Variants in CLSTN2 observed in about 807,000 individuals in gnomAD.
The protein encoded by CLSTN2 is calsyntenin 2.
CLSTN2 carries 48 observed loss-of-function variants against 101.2 expected under a neutral mutation model. The ratio of observed to expected loss-of-function variants is 0.47; its 90% CI spans 0.38 to 0.60. CLSTN2 has a LOEUF of 0.60. CLSTN2 is among the 20% of genes least tolerant of loss of function. The pLI, the probability that CLSTN2 is intolerant of heterozygous loss-of-function variation, is 0.00. For synonymous variants in CLSTN2, 481 were observed against 463.6 expected (o/e 1.04, Z -0.48); for missense variants, 1,160 against 1,238.2 (o/e 0.94, Z 0.95).
intron 2 of CLSTN2, among the ~76,000 whole-genome samples, chr3:140,311,596 G>A (rs182478735): frequency 2.6e-5 from 4 of 151,648 alleles, no homozygotes; most frequent in East Asian, 1.9e-4. Flanking sequence ...GTGAGCCACC[G>A]CGCCCGGCCA....
chr3:140,308,406 C>A (rs983384096), intron 2 of CLSTN2, among the ~76,000 whole-genome samples: 3 of 152,198 alleles, frequency 2.0e-5, no homozygotes, highest in African/African-American at 7.2e-5. Context: ...TTAGTAGGCT[C>A]TCAATAAATG....
intron 4 of CLSTN2, among the ~76,000 whole-genome samples, chr3:140,417,425 A>G (rs1445223260): frequency 1.3e-5 from 2 of 152,166 alleles, no homozygotes; most frequent in Non-Finnish European, 2.9e-5. Flanking sequence ...GGTATAAGCA[A>G]TTTCAAACTG....
chr3:140,135,115 CACATATATAT>C (rs1166610581), intron 1 of CLSTN2, among the ~76,000 whole-genome samples: 29 of 52,050 alleles, frequency 5.6e-4, no homozygotes, highest in African/African-American at 2.4e-3. Flanking sequence ...CACACACACA[CACATATATAT>C]ATATATATAT....
intron 2 of CLSTN2, among the ~76,000 whole-genome samples, chr3:140,216,374 C>G (rs1031048348): frequency 6.6e-6 from 1 of 152,186 alleles, no homozygotes; most frequent in African/African-American, 2.4e-5. Context: ...AAGTACAGCA[C>G]TAACGTGGGG....
chr3:140,206,916 G>A (rs1244257845), intron 2 of CLSTN2, among the ~76,000 whole-genome samples: 1 of 152,222 alleles, frequency 6.6e-6, no homozygotes, highest in Non-Finnish European at 1.5e-5. Context: ...ACCTGCCTGA[G>A]CTGGGAATTC....
chr3:140,344,516 T>G (rs1198092486), intron 2 of CLSTN2, among the ~76,000 whole-genome samples: 2 of 152,184 alleles, frequency 1.3e-5, no homozygotes, highest in African/African-American at 4.8e-5. Flanking sequence ...TTTCTATAAG[T>G]GCCATGGTCT....
chr3:140,575,029 GC>G lies in CLSTN2; in HGVS notation c.*8779del, dbSNP rs1985689099. 1 of 152,232 alleles carries G rather than the reference GC, an allele frequency of 6.6e-6. No individual in the cohort carries two copies. Among genetic ancestry groups the G allele is most frequent in the African/African-American group, 2.4e-5 (1 of 41,452 alleles). The allele number at this position is 152,232 out of a possible 1,614,324, so 9.4% of individuals were successfully genotyped here. ...CCAATATAGAACACTCACATCTGGA[GC>G]CCACGCCCACCCACCTCCAGCTCCT... On this transcript the variant is annotated 3_prime_UTR_variant, in exon 17 of 17. Transcript: ENST00000458420.
chr3:140,026,015 G>A (rs2007413098), intron 1 of CLSTN2, among the ~76,000 whole-genome samples: 1 of 152,166 alleles, frequency 6.6e-6, no homozygotes, highest in Non-Finnish European at 1.5e-5. Flanking sequence ...GACCCTGCTA[G>A]TTTCTGGAGA....
intron 1 of CLSTN2, among the ~76,000 whole-genome samples, chr3:140,128,986 A>G (rs2009480553): frequency 6.6e-6 from 1 of 152,128 alleles, no homozygotes; most frequent in Admixed American, 6.5e-5. Context: ...TAGAGTCAAT[A>G]GTGTTTCGAC....
In CLSTN2 at chr3:140,403,675, G is replaced by A. The variant is rs749218371; in HGVS notation, c.279G>A (p.Glu93=). ...TCCATGGCCAGGAGCTGCCCTTTGA[G>A]GCTGTGGTGCTCAACAAGACATCAG... ...FKIHGQELPF[E]AVVLNKTSGE... is the part of the protein sequence containing the mutation. The change falls in exon 3 of 17, where the codon GAG becomes GAA. Residue 93 remains glutamate, a synonymous_variant. Coordinates refer to ENST00000458420, the MANE Select transcript of CLSTN2 (RefSeq NM_022131.3). 6.2e-7 allele frequency: 1 copy of A among 1,614,160 alleles called. No homozygotes were observed. The highest frequency in any genetic ancestry group is 1.7e-5 in the Admixed American group (1 of 60,014).
At chr3:140,086,570 T>C (rs1326065357) in intron 1 of CLSTN2, among the ~76,000 whole-genome samples, 1 of 152,212 alleles carries the variant, frequency 6.6e-6, no homozygotes, top group Non-Finnish European at 1.5e-5. Context: ...TACATATCCG[T>C]GACCTTCAAT....
At chr3:140,044,793 GGT>G (rs1267519380) in intron 1 of CLSTN2, among the ~76,000 whole-genome samples, 1 of 152,062 alleles carries the variant, frequency 6.6e-6, no homozygotes, top group Non-Finnish European at 1.5e-5. Context: ...ATAATCATGT[GGT>G]TTTTGTCTTT....
In CLSTN2 at chr3:140,466,621, C is replaced by A; in HGVS notation, c.1234C>A (p.His412Asn). Residue 412 changes from histidine (H) to asparagine (N), a missense_variant, in exon 8 of 17, where the codon CAT becomes AAT. His to Asn is a moderately conservative substitution (Grantham distance 68, BLOSUM62 1). Transcript: ENST00000458420. ...CNSDKTEMNR[H>N]HYALYVHNCR... ...TTTCTGCTTTTCAGAAATGAACCGG[C>A]ATCACTATGCCCTGTATGTGCACAA... The A allele has an allele frequency of 1.9e-6, 3 of 1,614,148 alleles. No individual in the cohort carries two copies. The highest frequency in any genetic ancestry group is 2.5e-6 in the Non-Finnish European group (3 of 1,180,008).
At chr3:139,991,784 A>G (rs1329752987) in intron 1 of CLSTN2, among the ~76,000 whole-genome samples, 3 of 152,224 alleles carry the variant, frequency 2.0e-5, no homozygotes, top group African/African-American at 7.2e-5. Context: ...TGAAAAGTCT[A>G]AGTGTGAACT....
chr3:140,562,120 A>G lies in CLSTN2; in HGVS notation c.2042-18A>G. 3.7e-6 allele frequency: 6 copies of G among 1,611,446 alleles called. No individual in the cohort carries two copies. The highest frequency in any genetic ancestry group is 5.1e-6 in the Non-Finnish European group (6 of 1,178,184). On this transcript the variant is annotated intron_variant, in intron 12 of 16. Transcript: ENST00000458420. ...GCTGTCCTTCATGCCTGCATTTCCC[A>G]TGTCTGTCTTCCTACAGACCCCAAA... is the stretch of plus-strand genomic sequence containing the variant.
chr3:140,519,532 A>G (rs1934985305), intron 8 of CLSTN2, among the ~76,000 whole-genome samples: 1 of 152,218 alleles, frequency 6.6e-6, no homozygotes, highest in African/African-American at 2.4e-5. Flanking sequence ...GAGTGCATAT[A>G]TATTTAGGAT....
intron 1 of CLSTN2, among the ~76,000 whole-genome samples, chr3:140,008,696 C>T (rs866188557): frequency 3.3e-5 from 5 of 152,210 alleles, no homozygotes; most frequent in Admixed American, 2.6e-4. Flanking sequence ...TTTCCTAATA[C>T]GAACAATCAG....
intron 1 of CLSTN2, among the ~76,000 whole-genome samples, chr3:140,092,013 T>G (rs2008786935): frequency 6.6e-6 from 1 of 152,186 alleles, no homozygotes; most frequent in Non-Finnish European, 1.5e-5. Context: ...CAGGAAGCTT[T>G]ACAGAGAGCA....
At chr3:140,395,935 G>A (rs1199226221) in intron 2 of CLSTN2, among the ~76,000 whole-genome samples, 2 of 152,312 alleles carry the variant, frequency 1.3e-5, no homozygotes, top group Middle Eastern at 3.4e-3. Context: ...CAATCTGAAG[G>A]AGAGGCTTTA....
Sources: gnomAD v4.1 joint callset for allele counts (sites outside exome capture counted in the v4.1 genomes callset) on GRCh38, gnomAD v4.1.1 for gene constraint, MANE v1.5 for transcripts, NCBI Gene and HGNC (gene_info 2026-07-23, HGNC 2026-07-21) for gene names.